Variants in KAZN observed in about 807,000 individuals in gnomAD.
KAZN encodes the protein kazrin, periplakin interacting protein.
In KAZN, 40 loss-of-function variants were observed where a neutral mutation model predicts 87.4. That is an observed-to-expected ratio of 0.46 (90% CI 0.36 to 0.60). The LOEUF (loss-of-function observed/expected upper bound fraction) is 0.60. Among genes scored for constraint, KAZN ranks in the 20% least tolerant of loss-of-function variants. The pLI, the probability that KAZN is intolerant of heterozygous loss-of-function variation, is 0.00. For missense variants in KAZN, 898 were observed against 1,073.9 expected (o/e 0.84, Z 2.29); for synonymous variants, 466 against 458.3 (o/e 1.02, Z -0.22).
intron 2 of KAZN, among the ~76,000 whole-genome samples, chr1:14,581,195 G>C (rs188734203): frequency 2.6e-5 from 4 of 152,182 alleles, no homozygotes; most frequent in South Asian, 4.1e-4. Flanking sequence ...TGTCTAACAC[G>C]CATCTCAAAA....
At chr1:14,264,002 A>G (rs1324198516) in intron 2 of KAZN, among the ~76,000 whole-genome samples, 3 of 152,176 alleles carry the variant, frequency 2.0e-5, no homozygotes, top group African/African-American at 7.2e-5. Flanking sequence ...CTGTTGCATT[A>G]ATTTTTATTT....
intron 1 of KAZN, among the ~76,000 whole-genome samples, chr1:14,011,414 C>T (rs1038982824): frequency 6.6e-6 from 1 of 152,186 alleles, no homozygotes; most frequent in Non-Finnish European, 1.5e-5. Context: ...CTGGCTGCTT[C>T]GTTTGCATCA....
chr1:14,852,391 T>G (rs1649556442), intron 1 of KAZN, among the ~76,000 whole-genome samples: 1 of 152,196 alleles, frequency 6.6e-6, no homozygotes, highest in Admixed American at 6.5e-5. Context: ...GAGTCAGCCA[T>G]GCGGCGATCA....
intron 1 of KAZN, among the ~76,000 whole-genome samples, chr1:14,050,075 C>T (rs1642246586): frequency 6.6e-6 from 1 of 150,492 alleles, no homozygotes; most frequent in African/African-American, 2.5e-5. Flanking sequence ...GCATGCATTG[C>T]ACATGCCTGT....
At chr1:14,423,975 G>C (rs1191973146) in intron 2 of KAZN, among the ~76,000 whole-genome samples, 1 of 152,214 alleles carries the variant, frequency 6.6e-6, no homozygotes. Context: ...CAGGCAGAGA[G>C]CTGGGCACGT....
intron 2 of KAZN, among the ~76,000 whole-genome samples, chr1:14,530,282 C>T (rs984310664): frequency 6.6e-6 from 1 of 152,208 alleles, no homozygotes; most frequent in African/African-American, 2.4e-5. Context: ...CCCCAAAGAG[C>T]CCGCTCTAAT....
At chr1:13,960,541 C>A (rs910412391) in intron 1 of KAZN, among the ~76,000 whole-genome samples, 12 of 152,132 alleles carry the variant, frequency 7.9e-5, no homozygotes, top group African/African-American at 2.9e-4. Context: ...TAACCAGGGC[C>A]ATCTTGGAAC....
At chr1:14,173,148 T>G (rs1214825775) in intron 1 of KAZN, among the ~76,000 whole-genome samples, 1 of 152,104 alleles carries the variant, frequency 6.6e-6, no homozygotes, top group Admixed American at 6.5e-5. Context: ...AGCAAAAAAT[T>G]TAAGATTATC....
At chr1:14,084,112 A>G (rs961536724) in intron 1 of KAZN, among the ~76,000 whole-genome samples, 1 of 152,198 alleles carries the variant, frequency 6.6e-6, no homozygotes, top group Non-Finnish European at 1.5e-5. Context: ...GCCCCTCTGG[A>G]GGGAGGTGAT....
chr1:14,030,951 T>C (rs1641302857), intron 1 of KAZN, among the ~76,000 whole-genome samples: 1 of 152,122 alleles, frequency 6.6e-6, no homozygotes, highest in East Asian at 1.9e-4. Context: ...ATTTAATGAA[T>C]ATTTATTTTA....
chr1:14,408,848 C>G (rs867929500), intron 2 of KAZN, among the ~76,000 whole-genome samples: 1 of 150,452 alleles, frequency 6.6e-6, no homozygotes, highest in Admixed American at 6.6e-5. Context: ...ATAATCAAGG[C>G]AAATATGGAT....
chr1:14,260,935 C>T (rs1317435331), intron 2 of KAZN, among the ~76,000 whole-genome samples: 1 of 152,294 alleles, frequency 6.6e-6, no homozygotes, highest in East Asian at 1.9e-4. Flanking sequence ...CTCATGGAGC[C>T]ACATCTGCCT....
intron 1 of KAZN, among the ~76,000 whole-genome samples, chr1:14,118,169 G>T (rs148331070): frequency 6.6e-6 from 1 of 152,294 alleles, no homozygotes; most frequent in Non-Finnish European, 1.5e-5. Flanking sequence ...GAAAAGGCAA[G>T]ATTTAGATTC....
chr1:14,987,043 C>T (rs1304763558), intron 2 of KAZN, among the ~76,000 whole-genome samples: 1 of 152,116 alleles, frequency 6.6e-6, no homozygotes, highest in Non-Finnish European at 1.5e-5. Context: ...GCAGAGCAAA[C>T]TGGGCAGTCT....
rs886524134 is a variant in KAZN at position 14,976,238 on chromosome 1, G to A, written c.418+15363G>A. Among the ~76,000 whole-genome samples the A allele has an allele frequency of 2.6e-5, 4 of 151,942 alleles. No individual in the cohort carries two copies. The East Asian group carries it at 5.8e-4, about 22-fold the overall frequency. The stretch of plus-strand genomic sequence containing the variant: ...GGCTGGAGTGCAGTGGCATAATCTC[G>A]GCTCACTGCAGCCTCAACTTCCTGG... On this transcript the variant is annotated intron_variant, in intron 2 of 14. Coordinates refer to ENST00000376030, the MANE Select transcript of KAZN (RefSeq NM_201628.3).
chr1:14,243,613 T>G (rs193028402), intron 2 of KAZN, among the ~76,000 whole-genome samples: 22 of 152,326 alleles, frequency 1.4e-4, no homozygotes, highest in Non-Finnish European at 2.8e-4. Flanking sequence ...TACTGTGTAT[T>G]TGTTAAGATG....
chr1:14,662,964 C>CAT (rs141562526), intron 1 of KAZN, among the ~76,000 whole-genome samples: 5,346 of 127,886 alleles, frequency 0.042, 132 homozygotes, highest in Middle Eastern at 0.12. Context: ...TATATGCACA[C>CAT]ATATATATAT....
chr1:14,394,166 T>C (rs4503336), intron 2 of KAZN, among the ~76,000 whole-genome samples: 12,772 of 152,294 alleles, frequency 0.084, 1,835 homozygotes, highest in African/African-American at 0.29. Flanking sequence ...GGTTAGTGCG[T>C]TAACGCAATG....
intron 2 of KAZN, among the ~76,000 whole-genome samples, chr1:14,418,690 C>T (rs1300394405): frequency 6.6e-6 from 1 of 152,188 alleles, no homozygotes; most frequent in Non-Finnish European, 1.5e-5. Context: ...TAACTGTATA[C>T]TCCCAAAGCA....
Sources: gnomAD v4.1 joint callset for allele counts (sites outside exome capture counted in the v4.1 genomes callset) on GRCh38, gnomAD v4.1.1 for gene constraint, MANE v1.5 for transcripts, NCBI Gene and HGNC (gene_info 2026-07-23, HGNC 2026-07-21) for gene names.